Variants in BRWD3 observed in about 807,000 individuals in gnomAD.
BRWD3 encodes the protein bromodomain and WD repeat-containing protein 3.
A neutral mutation model predicts 149.7 loss-of-function variants in BRWD3; 10 were observed. The observed-to-expected ratio is 0.07, with a 90% CI of 0.04 to 0.11. The LOEUF (loss-of-function observed/expected upper bound fraction) is 0.11, where lower values mean the gene tolerates loss of function less well. Among genes scored for constraint, BRWD3 ranks in the 10% least tolerant of loss-of-function variants. The pLI is 1.00. For synonymous variants in BRWD3, 504 were observed against 456.7 expected (o/e 1.10, Z -1.32); for missense variants, 940 against 1,373.2 (o/e 0.68, Z 4.99).
rs1198221747 is a variant in BRWD3, at chrX:80,709,596, A to G, written c.2326-19T>C. The G allele has an allele frequency of 4.0e-5, 48 of 1,197,180 alleles. No individual in the cohort carries two copies. Among genetic ancestry groups the G allele is most frequent in the Non-Finnish European group, 5.1e-5 (45 of 887,122 alleles). Reference sequence around the variant, plus strand: ...AATCATTCTGTAAAAGAGAAGAATAATAAATTTTAAAAAAGGAAAAGCTCA... The same window carrying G: ...AATCATTCTGTAAAAGAGAAGAATAGTAAATTTTAAAAAAGGAAAAGCTCA... On this transcript the variant is annotated intron_variant, in intron 20 of 40. Coordinates refer to ENST00000373275, the MANE Select transcript of BRWD3 (RefSeq NM_153252.5).
At chrX:80,748,170 G>A (rs1410482281) in intron 6 of BRWD3, among the ~76,000 whole-genome samples, 1 of 110,533 alleles carries the variant, frequency 9.0e-6, no homozygotes, top group Non-Finnish European at 1.9e-5. Context: ...TACCTCTTAT[G>A]TTGAGATTTT....
intron 6 of BRWD3, among the ~76,000 whole-genome samples, chrX:80,752,561 GTTTT>G (rs1014265169): frequency 1.8e-5 from 2 of 111,590 alleles, no homozygotes; most frequent in African/African-American, 3.3e-5. Flanking sequence ...TCACCAAAAT[GTTTT>G]TTTAAAATAT....
rs1406568649 is a variant in BRWD3 at position 80,809,839 on chromosome X, A to AGG, written c.-369_-368insCC. ...TGGGGGGGCGGAGAGAGAGAGAGAG[A>AGG]GAGAGATAGACGGAGCGAGAAGAGG... On this transcript the variant is annotated 5_prime_UTR_variant, in exon 1 of 41. Coordinates refer to ENST00000373275, the MANE Select transcript of BRWD3 (RefSeq NM_153252.5). 1.2e-5 allele frequency among the ~76,000 whole-genome samples: 1 copy of AGG among 82,588 alleles called. No homozygotes were observed. Among genetic ancestry groups the AGG allele is most frequent in the Non-Finnish European group, 2.4e-5 (1 of 42,257 alleles). 71.7% of individuals were successfully genotyped at this position (82,588 alleles called of 115,157 possible). A position where few individuals can be genotyped will look rare whatever the true frequency, so the allele number is the denominator to read the frequency against.
At chrX:80,764,838 A>C (rs2073841671) in intron 6 of BRWD3, among the ~76,000 whole-genome samples, 1 of 111,839 alleles carries the variant, frequency 8.9e-6, no homozygotes, top group Admixed American at 9.5e-5. Context: ...ATTAAAAATA[A>C]TCTAATTAAA....
At chrX:80,745,535 A>G in intron 7 of BRWD3, 34 bp downstream of exon 7, 1 of 1,156,734 alleles carries the variant, frequency 8.6e-7, no homozygotes, top group Non-Finnish European at 1.2e-6. Flanking sequence ...TTGTAATTCT[A>G]TATATGTTAC....
At chrX:80,694,514 C>T (rs766277934) in intron 27 of BRWD3, among the ~76,000 whole-genome samples, 25 of 110,650 alleles carry the variant, frequency 2.3e-4, no homozygotes, top group South Asian at 4.0e-4. Flanking sequence ...GGACACTCAA[C>T]GCCAGCCTGT....
In BRWD3 at chrX:80,676,846, T is replaced by C. The variant is rs1376904467; in HGVS notation, c.5172A>G (p.Lys1724=). 1 of 1,211,406 alleles carries C rather than the reference T, an allele frequency of 8.3e-7. No individual in the cohort carries two copies. Among genetic ancestry groups the C allele is most frequent in the Non-Finnish European group, 1.1e-6 (1 of 895,394 alleles). ...RGASRGATRA[K]RARIADDEFD... ...ATTCATCATCTGCAATACGTGCTCG[T>C]TTGGCTCTGGTAGCTCCTCTAGAAG... Residue 1724 remains lysine, a synonymous_variant, in exon 41 of 41, where the codon AAA becomes AAG. Transcript: ENST00000373275.
intron 33 of BRWD3, 82 bp from the exon 34 acceptor site, chrX:80,688,207 G>T: frequency 1.2e-6 from 1 of 812,149 alleles, no homozygotes; most frequent in Non-Finnish European, 1.9e-6. Flanking sequence ...ACAAATAAAC[G>T]GGAAATAAAA....
At chrX:80,703,445 C>T (rs778813011) in intron 24 of BRWD3, 35 bp downstream of exon 24, 12 of 961,541 alleles carry the variant, frequency 1.2e-5, no homozygotes, top group Non-Finnish European at 1.8e-5. Context: ...GCTCTTGAGG[C>T]TCCACAGAAA....
At chrX:80,719,375 T>A (rs2073113568) in intron 18 of BRWD3, 114 bp downstream of exon 18, 1 of 687,485 alleles carries the variant, frequency 1.5e-6, no homozygotes, top group Non-Finnish European at 2.1e-6. Context: ...AAATTGTAAA[T>A]TAATAAAAAA....
intron 6 of BRWD3, among the ~76,000 whole-genome samples, chrX:80,785,879 A>T (rs950768409): frequency 2.7e-5 from 3 of 111,640 alleles, no homozygotes; most frequent in Non-Finnish European, 3.8e-5. Context: ...AACACAAAAA[A>T]GTTAGCCAGG....
chrX:80,776,163 C>T (rs1350621426), intron 6 of BRWD3, among the ~76,000 whole-genome samples: 4 of 112,135 alleles, frequency 3.6e-5, no homozygotes, highest in Non-Finnish European at 7.5e-5. Context: ...CTCGATCTTA[C>T]CTCCACCTGA....
At chrX:80,680,773 A>C (rs1402694081) in intron 40 of BRWD3, among the ~76,000 whole-genome samples, 1 of 109,438 alleles carries the variant, frequency 9.1e-6, no homozygotes, top group East Asian at 2.9e-4. Context: ...TGGGGAAAGA[A>C]CTCTTCATTT....
At position 80,719,396 on chromosome X, in the gene BRWD3, A is replaced by C. The variant is rs1295272688; in HGVS notation, c.2044+93T>G. 1.5e-5 allele frequency: 13 copies of C among 862,161 alleles called. No homozygotes were observed. The East Asian group carries it at 4.2e-4, about 28-fold the overall frequency. The allele number at this position is 862,161 out of a possible 1,213,427, so 71.1% of individuals were successfully genotyped here. ...TAAATTAATAAAAAAGTTTTTATTT[A>C]TAAACGTAAAATATTTTCCATGTAA... On this transcript the variant is annotated intron_variant, in intron 18 of 40. Transcript: ENST00000373275.
At chrX:80,687,448 G>T in intron 34 of BRWD3, among the ~76,000 whole-genome samples, 1 of 110,595 alleles carries the variant, frequency 9.0e-6, no homozygotes, top group African/African-American at 3.3e-5. Flanking sequence ...ATTTTGTTAC[G>T]ATCTCTTTCA....
intron 6 of BRWD3, among the ~76,000 whole-genome samples, chrX:80,772,986 A>G (rs1329816630): frequency 8.9e-6 from 1 of 112,202 alleles, no homozygotes; most frequent in Admixed American, 9.5e-5. Context: ...AGAAAGTTAC[A>G]TAGTGTATAA....
At chrX:80,789,504 T>C (rs751656695) in intron 6 of BRWD3, among the ~76,000 whole-genome samples, 4 of 111,950 alleles carry the variant, frequency 3.6e-5, no homozygotes, top group African/African-American at 1.3e-4. Context: ...GCCTCCCCAG[T>C]AGCTGGGACT....
intron 12 of BRWD3, among the ~76,000 whole-genome samples, chrX:80,732,699 C>G (rs2073349597): frequency 9.0e-6 from 1 of 111,425 alleles, no homozygotes; most frequent in African/African-American, 3.3e-5. Context: ...CAGGGTACAT[C>G]AATTAGGCTG....
intron 6 of BRWD3, among the ~76,000 whole-genome samples, chrX:80,767,062 G>A (rs2073868499): frequency 8.9e-6 from 1 of 112,402 alleles, no homozygotes; most frequent in African/African-American, 3.2e-5. Context: ...CAGGGGGAGA[G>A]GCATCCACCA....
Sources: gnomAD v4.1 joint callset for allele counts (sites outside exome capture counted in the v4.1 genomes callset) on GRCh38, gnomAD v4.1.1 for gene constraint, MANE v1.5 for transcripts, NCBI Gene and HGNC (gene_info 2026-07-23, HGNC 2026-07-21) for gene names.